Variants in DENND2A observed in about 807,000 individuals in gnomAD.
The protein encoded by DENND2A is DENN domain-containing protein 2A.
Under a neutral mutation model 105.3 loss-of-function variants are expected in DENND2A, and 53 were observed. That is an observed-to-expected ratio of 0.50 (90% CI 0.40 to 0.63). The LOEUF (loss-of-function observed/expected upper bound fraction) is 0.63, where lower values mean the gene tolerates loss of function less well. DENND2A is among the 30% of genes least tolerant of loss of function. The probability of loss-of-function intolerance (pLI) is 0.00; values close to 1 mark genes in which losing one functional copy is unlikely to be tolerated. For missense variants in DENND2A, 1,138 were observed against 1,279.6 expected, an observed-to-expected ratio of 0.89 and a Z score of 1.69; for synonymous variants, 522 against 508.4, an observed-to-expected ratio of 1.03 and a Z score of -0.36.
rs1799553543 is a variant in DENND2A, at chr7:140,602,520, T to C, written c.-123A>G. On this transcript the variant is annotated 5_prime_UTR_variant, in exon 3 of 20. Transcript: ENST00000496613. ...GGATGCCTTCGAGGGTCTTTCTCAG[T>C]CCTTGGACCTTCCACCTTGACCCTG... The C allele has an allele frequency of 9.7e-7, 1 of 1,033,206 alleles. No homozygotes were observed. The highest frequency in any genetic ancestry group is 2.2e-5 in the South Asian group (1 of 45,488). The allele number at this position is 1,033,206 out of a possible 1,614,324, so 64.0% of individuals were successfully genotyped here. A position where few individuals can be genotyped will look rare whatever the true frequency, so the allele number is the denominator to read the frequency against.
chr7:140,633,269 C>A (rs1293848343), intron 1 of DENND2A, among the ~76,000 whole-genome samples: 3 of 152,034 alleles, frequency 2.0e-5, no homozygotes, highest in Non-Finnish European at 4.4e-5. Context: ...ACCTCGTGAT[C>A]CACCCGCCTC....
chr7:140,585,943 T>A (rs1449201278), intron 4 of DENND2A, among the ~76,000 whole-genome samples: 2 of 152,148 alleles, frequency 1.3e-5, no homozygotes, highest in Non-Finnish European at 2.9e-5. Flanking sequence ...TTCAGCGCTT[T>A]AGCCAATCTA....
At chr7:140,564,547 G>T (rs1043965666) in intron 9 of DENND2A, among the ~76,000 whole-genome samples, 2 of 152,100 alleles carry the variant, frequency 1.3e-5, no homozygotes, top group Non-Finnish European at 1.5e-5. Context: ...CATTAGAAAA[G>T]ACTGGAAGAA....
At chr7:140,585,458 T>C in intron 5 of DENND2A, 131 bp downstream of exon 5, 3 of 1,282,138 alleles carry the variant, frequency 2.3e-6, no homozygotes, top group Non-Finnish European at 3.3e-6. Context: ...CAGCCAGCGT[T>C]GTACAAATCC....
intron 3 of DENND2A, among the ~76,000 whole-genome samples, chr7:140,592,087 C>T (rs1799077805): frequency 1.4e-5 from 2 of 144,190 alleles, no homozygotes; most frequent in East Asian, 2.0e-4. Context: ...CGCCCAGGCT[C>T]TTGTCACCCA....
chr7:140,532,265 T>C (rs10250728), intron 14 of DENND2A, among the ~76,000 whole-genome samples: 2,337 of 152,102 alleles, frequency 0.015, 63 homozygotes, highest in African/African-American at 0.052. Context: ...TGAGACTCCG[T>C]CTCAAAAAAA....
chr7:140,640,132 C>G lies in DENND2A; in HGVS notation c.-248+372G>C, dbSNP rs1381213567. ...TCACACACACTCGCACAGACACACT[C>G]ACACACAGACACACAAGCGCGCACA... On this transcript the variant is annotated intron_variant, in intron 1 of 19. Transcript: ENST00000496613. The surrounding 1 kb of genome is among the most constrained non-coding windows in gnomAD (Gnocchi z 4.9). 1 of 152,492 alleles carries G rather than the reference C, an allele frequency of 6.6e-6. No individual in the cohort carries two copies. Among genetic ancestry groups the G allele is most frequent in the African/African-American group, 2.4e-5 (1 of 41,236 alleles). The allele number at this position is 152,492 out of a possible 1,614,324, so 9.4% of individuals were successfully genotyped here.
upstream of DENND2A, among the ~76,000 whole-genome samples, chr7:140,641,044 C>T (rs1254848993): frequency 6.6e-6 from 1 of 152,240 alleles, no homozygotes; most frequent in Non-Finnish European, 1.5e-5. Context: ...CTCCATTCCA[C>T]CCAGGCCCGG....
At chr7:140,576,761 G>C (rs993535024) in intron 5 of DENND2A, among the ~76,000 whole-genome samples, 6 of 152,194 alleles carry the variant, frequency 3.9e-5, no homozygotes, top group African/African-American at 1.4e-4. Context: ...AGTAGAGGAA[G>C]AGCTGACCTG....
intron 1 of DENND2A, among the ~76,000 whole-genome samples, chr7:140,623,176 G>A (rs1180245837): frequency 2.6e-5 from 4 of 151,288 alleles, no homozygotes; most frequent in East Asian, 2.0e-4. Context: ...TTAGCCAGGT[G>A]TGGTGGCGGG....
intron 1 of DENND2A, among the ~76,000 whole-genome samples, chr7:140,629,262 G>A (rs1800648091): frequency 6.6e-6 from 1 of 152,182 alleles, no homozygotes; most frequent in Non-Finnish European, 1.5e-5. Flanking sequence ...GGTGGCAAAT[G>A]TTATGAAACA....
chr7:140,625,154 A>G (rs2130728259), intron 1 of DENND2A, among the ~76,000 whole-genome samples: 1 of 152,216 alleles, frequency 6.6e-6, no homozygotes, highest in South Asian at 2.1e-4. Context: ...AGGCAAGCGG[A>G]TCATCTGAGG....
At chr7:140,631,369 G>A (rs1800727505) in intron 1 of DENND2A, among the ~76,000 whole-genome samples, 1 of 152,124 alleles carries the variant, frequency 6.6e-6, no homozygotes, top group Admixed American at 6.6e-5. Flanking sequence ...GGGGTTGTGT[G>A]TGTACCCAGA....
intron 9 of DENND2A, among the ~76,000 whole-genome samples, chr7:140,566,726 G>A (rs569053942): frequency 4.2e-4 from 53 of 125,530 alleles, no homozygotes; most frequent in Non-Finnish European, 6.4e-4. Context: ...TTGCTCTGTC[G>A]CCCAGGCCGG....
intron 3 of DENND2A, among the ~76,000 whole-genome samples, chr7:140,599,678 A>T (rs1312874374): frequency 6.6e-6 from 1 of 151,900 alleles, no homozygotes. Context: ...GGAATAACTT[A>T]TATATATTTA....
chr7:140,554,204 G>T (rs145585544), intron 12 of DENND2A, among the ~76,000 whole-genome samples: 1 of 150,830 alleles, frequency 6.6e-6, no homozygotes, highest in Non-Finnish European at 1.5e-5. Flanking sequence ...CCAGCCTGGC[G>T]ACAGAACGAG....
intron 12 of DENND2A, among the ~76,000 whole-genome samples, chr7:140,552,040 C>T (rs1056322370): frequency 6.6e-6 from 1 of 152,242 alleles, no homozygotes; most frequent in Non-Finnish European, 1.5e-5. Context: ...AAAGCCTCCA[C>T]TTGGAAGCTG....
At position 140,602,476 on chromosome 7, in the gene DENND2A, T is replaced by C; in HGVS notation, c.-79A>G. 6.9e-7 allele frequency: 1 copy of C among 1,444,984 alleles called. No individual in the cohort carries two copies. 89.5% of individuals were successfully genotyped at this position (1,444,984 alleles called of 1,614,324 possible). ...CTGACTCCTGATCAGTCTCTAGGAA[T>C]GGAATGGAGGACTAAAGTGGATGCC... On this transcript the variant is annotated 5_prime_UTR_variant, in exon 3 of 20. Coordinates refer to ENST00000496613, the MANE Select transcript of DENND2A (RefSeq NM_015689.5).
At chr7:140,555,218 C>T (rs1475394104) in intron 12 of DENND2A, among the ~76,000 whole-genome samples, 1 of 152,004 alleles carries the variant, frequency 6.6e-6, no homozygotes, top group Non-Finnish European at 1.5e-5. Flanking sequence ...ACTGCAACCT[C>T]CGCCTCCCGG....
Sources: gnomAD v4.1 joint callset for allele counts (sites outside exome capture counted in the v4.1 genomes callset) on GRCh38, gnomAD v4.1.1 for gene constraint, Gnocchi (gnomAD v3.1) non-coding constraint, MANE v1.5 for transcripts, NCBI Gene and HGNC (gene_info 2026-07-23, HGNC 2026-07-21) for gene names.